Variants in NME7 observed in about 807,000 individuals in gnomAD.
The protein encoded by NME7 is NME/NM23 family member 7.
In NME7, 41 loss-of-function variants were observed where a neutral mutation model predicts 49.1. The ratio of observed to expected loss-of-function variants is 0.83; its 90% CI spans 0.65 to 1.08. The LOEUF (loss-of-function observed/expected upper bound fraction) is 1.08, where lower values mean the gene tolerates loss of function less well. Among genes scored for constraint, NME7 ranks in the 50% least tolerant of loss-of-function variants. The pLI is 0.00. For missense variants in NME7, 423 were observed against 463.4 expected, an observed-to-expected ratio of 0.91 and a Z score of 0.80; for synonymous variants, 139 against 150.6, an observed-to-expected ratio of 0.92 and a Z score of 0.56.
At chr1:169,261,539 TAAG>T (rs1310355582) in intron 7 of NME7, among the ~76,000 whole-genome samples, 1 of 134,172 alleles carries the variant, frequency 7.5e-6, no homozygotes, top group East Asian at 2.0e-4. Flanking sequence ...ATCTGAGTTA[TAAG>T]AACAGCTGAA....
intron 7 of NME7, among the ~76,000 whole-genome samples, chr1:169,276,224 C>T (rs1373412277): frequency 7.5e-6 from 1 of 133,798 alleles, no homozygotes; most frequent in Non-Finnish European, 1.8e-5. Flanking sequence ...GGAGGATTCC[C>T]TCTTTTTTTA....
At chr1:169,156,232 C>A (rs983508596) in intron 11 of NME7, among the ~76,000 whole-genome samples, 1 of 151,382 alleles carries the variant, frequency 6.6e-6, no homozygotes, top group Admixed American at 6.6e-5. Flanking sequence ...ATCACTTGAG[C>A]CTGGGAGGTC....
chr1:169,166,642 T>C lies in NME7; in HGVS notation c.1098+2805A>G, dbSNP rs368282829. On this transcript the variant is annotated intron_variant, in intron 11 of 11. Transcript: ENST00000367811. ...CACTGAAAGTCCCACTTGCATTTTG[T>C]AGGGGTGGAGTAAAGACCTCGGTAA... is the stretch of plus-strand genomic sequence containing the variant. 3.9e-5 allele frequency among the ~76,000 whole-genome samples: 6 copies of C among 152,206 alleles called. No individual in the cohort carries two copies. The South Asian group carries it at 8.3e-4, about 21-fold the overall frequency.
chr1:169,253,076 T>A (rs1347496180), intron 7 of NME7, among the ~76,000 whole-genome samples: 9 of 151,992 alleles, frequency 5.9e-5, no homozygotes, highest in Non-Finnish European at 1.2e-4. Flanking sequence ...AACTTTAAAG[T>A]AGATTTTTCC....
intron 6 of NME7, 108 bp downstream of exon 6, chr1:169,298,448 G>C: frequency 1.9e-6 from 2 of 1,077,148 alleles, no homozygotes; most frequent in Non-Finnish European, 2.7e-6. Flanking sequence ...TACTACTAGA[G>C]CAGCAGCATA....
chr1:169,226,650 T>C (rs1225575863), intron 10 of NME7, among the ~76,000 whole-genome samples: 1 of 152,228 alleles, frequency 6.6e-6, no homozygotes, highest in African/African-American at 2.4e-5. Flanking sequence ...CTTAGAAGTA[T>C]ATGCCTCCTC....
chr1:169,213,431 C>T (rs1016031834), intron 10 of NME7, among the ~76,000 whole-genome samples: 31 of 151,998 alleles, frequency 2.0e-4, no homozygotes, highest in African/African-American at 7.3e-4. Context: ...ACATGGTTGC[C>T]AATGCTGGAT....
At chr1:169,193,900 T>TA (rs10550759) in intron 10 of NME7, among the ~76,000 whole-genome samples, 6 of 150,136 alleles carry the variant, frequency 4.0e-5, no homozygotes, top group African/African-American at 7.4e-5. Context: ...TATCACTTGT[T>TA]AAAAAAAAAG....
chr1:169,297,830 T>C (rs1328147590), intron 6 of NME7, among the ~76,000 whole-genome samples: 2 of 152,178 alleles, frequency 1.3e-5, no homozygotes, highest in Admixed American at 6.5e-5. Context: ...TTGGAGGCTA[T>C]TGTAGCAGTT....
intron 10 of NME7, among the ~76,000 whole-genome samples, chr1:169,177,453 T>C (rs567759435): frequency 6.6e-6 from 1 of 152,256 alleles, no homozygotes; most frequent in East Asian, 1.9e-4. Flanking sequence ...CATACCACTT[T>C]CCTGCCGAAG....
At chr1:169,338,550 C>T (rs549456844) in intron 1 of NME7, among the ~76,000 whole-genome samples, 3 of 152,282 alleles carry the variant, frequency 2.0e-5, no homozygotes, top group African/African-American at 4.8e-5. Flanking sequence ...GCTTTTTAAA[C>T]TTCTTCACCT....
intron 1 of NME7, among the ~76,000 whole-genome samples, chr1:169,351,926 T>C (rs1653190110): frequency 6.6e-6 from 1 of 151,762 alleles, no homozygotes; most frequent in Non-Finnish European, 1.5e-5. Flanking sequence ...ATCAAAGCCA[T>C]AATAAAAAGT....
At chr1:169,199,469 T>A (rs895989179) in intron 10 of NME7, among the ~76,000 whole-genome samples, 1 of 146,632 alleles carries the variant, frequency 6.8e-6, no homozygotes, top group Non-Finnish European at 1.5e-5. Flanking sequence ...ATTATTATTA[T>A]TATTATTATT....
At chr1:169,237,150 A>T (rs143394894) in intron 8 of NME7, among the ~76,000 whole-genome samples, 2,077 of 152,106 alleles carry the variant, frequency 0.014, 15 homozygotes, top group Non-Finnish European at 0.021. Flanking sequence ...GCTAGAATAC[A>T]CTAACTCCAA....
intron 1 of NME7, among the ~76,000 whole-genome samples, chr1:169,328,191 G>T (rs1042756198): frequency 2.0e-4 from 30 of 152,040 alleles, no homozygotes; most frequent in Non-Finnish European, 4.1e-4. Flanking sequence ...CTATAAAGGG[G>T]TTTTTTGGAG....
At chr1:169,286,038 T>C (rs1650264220) in intron 7 of NME7, 1 of 152,158 alleles carries the variant, frequency 6.6e-6, no homozygotes, top group Non-Finnish European at 1.5e-5. Context: ...ACTACATCTA[T>C]ACAATTGCTG....
In NME7 at chr1:169,303,175, T is replaced by C. The variant is rs201587017; in HGVS notation, c.410A>G (p.His137Arg). Residue 137 changes from histidine to arginine, a missense_variant, in exon 5 of 12, where the codon CAT becomes CGT. By Grantham distance (29) the His-to-Arg change is conservative. Coordinates refer to ENST00000367811, the MANE Select transcript of NME7 (RefSeq NM_013330.5). ...MLSRKEALDFHVDHQSRPFFN... is the reference protein window; with the variant it reads ...MLSRKEALDFRVDHQSRPFFN... ...AAAGGGTCTTGACTGGTGATCTACA[T>C]GAAAATCCAATGCTTCTTTCCTATA... The C allele has an allele frequency of 4.2e-4, 661 of 1,563,282 alleles. 2 individuals are homozygous for C. The highest frequency in any genetic ancestry group is 5.1e-4 in the Non-Finnish European group (586 of 1,149,848).
At chr1:169,253,936 T>C (rs1205390894) in intron 7 of NME7, among the ~76,000 whole-genome samples, 2 of 150,326 alleles carry the variant, frequency 1.3e-5, no homozygotes, top group Non-Finnish European at 3.0e-5. Context: ...GTGGATAAGC[T>C]TTTTGATGTG....
rs138621156 is a variant in NME7, at chr1:169,292,507, G to C, written c.649-5099C>G. Among the ~76,000 whole-genome samples the C allele has an allele frequency of 3.0e-3, 456 of 152,216 alleles. 1 individual carries two copies. Among genetic ancestry groups the C allele is most frequent in the Non-Finnish European group, 4.9e-3 (332 of 67,990 alleles). On this transcript the variant is annotated intron_variant, in intron 6 of 11. Transcript: ENST00000367811. ...GCAAATAAAAATTACCTGGGCAAAGGCAGAATTGGAATTCCAAGGCAGAGG... is the reference window on the plus strand; with the variant it reads ...GCAAATAAAAATTACCTGGGCAAAGCCAGAATTGGAATTCCAAGGCAGAGG...
Sources: gnomAD v4.1 joint callset for allele counts (sites outside exome capture counted in the v4.1 genomes callset) on GRCh38, gnomAD v4.1.1 for gene constraint, MANE v1.5 for transcripts, NCBI Gene and HGNC (gene_info 2026-07-23, HGNC 2026-07-21) for gene names.